Variants in BCCIP observed in about 807,000 individuals in gnomAD.
BCCIP encodes the protein BRCA2 and CDKN1A interacting protein.
Under a neutral mutation model 32.8 loss-of-function variants are expected in BCCIP, and 23 were observed. The ratio of observed to expected loss-of-function variants is 0.70; its 90% confidence interval spans 0.51 to 0.99. BCCIP has a LOEUF of 0.99. Ranked by LOEUF, BCCIP falls within the 50% of genes least tolerant of loss-of-function variation. The pLI is 0.00. For missense variants in BCCIP, 378 were observed against 379.8 expected (o/e 1.00, Z 0.04); for synonymous variants, 144 against 137.6 (o/e 1.05, Z -0.33).
In BCCIP at chr10:125,827,600, C is replaced by G; in HGVS notation, c.283C>G (p.Leu95Val). ...TGTGAACACTGCAGAACTAACAGAT[C>G]TCTTAATTCAACAGAACCATATTGG... The part of the protein sequence containing the change: ...APVNTAELTD[L>V]LIQQNHIGSV... The change falls in exon 3 of 7, where the codon CTC (leucine) becomes GTC (valine). Residue 95 changes from leucine (L) to valine (V), a missense_variant. Transcript: ENST00000278100. 6.2e-7 allele frequency: 1 copy of G among 1,613,166 alleles called. No individual in the cohort carries two copies. The highest frequency in any genetic ancestry group is 8.5e-7 in the Non-Finnish European group (1 of 1,179,182).
exon 7 of BCCIP, chr10:125,842,180 G>C (rs1026004910): frequency 4.4e-6 from 2 of 453,794 alleles, no homozygotes; most frequent in African/African-American, 2.1e-5. Flanking sequence ...TGTGCATGCG[G>C]GGGGAACCCA....
chr10:125,840,208 T>C (rs989842901), downstream of BCCIP, among the ~76,000 whole-genome samples: 3 of 152,254 alleles, frequency 2.0e-5, no homozygotes, highest in African/African-American at 4.8e-5. Context: ...CTCTTGTTTC[T>C]GTCTGCATAG....
downstream of BCCIP, chr10:125,839,240 G>C (rs1854798926): frequency 6.3e-7 from 1 of 1,579,744 alleles, no homozygotes; most frequent in African/African-American, 1.3e-5. Context: ...CAGAAGCTCT[G>C]AAGAGCCCAG....
intron 3 of BCCIP, among the ~76,000 whole-genome samples, chr10:125,830,235 GTATTA>G (rs778920883): frequency 1.1e-4 from 16 of 152,204 alleles, no homozygotes; most frequent in Non-Finnish European, 2.2e-4. Flanking sequence ...TTCTGGATTT[GTATTA>G]TATTGAGAAT....
chr10:125,842,203 C>G (rs758277231), exon 7 of BCCIP: 13 of 389,038 alleles, frequency 3.3e-5, no homozygotes, highest in Non-Finnish European at 5.8e-5. Context: ...TGGAGCCTGC[C>G]AGCCTCCCTG....
rs369675850 is a variant in BCCIP, at chr10:125,833,822, A to G, written c.650A>G (p.Tyr217Cys). 1.1e-5 allele frequency: 18 copies of G among 1,614,224 alleles called. No individual in the cohort carries two copies. Among genetic ancestry groups the G allele is most frequent in the Non-Finnish European group, 1.4e-5 (17 of 1,180,044 alleles). The change falls in exon 6 of 7, where the codon TAC becomes TGC. Residue 217 changes from tyrosine to cysteine, a missense_variant. By Grantham distance (194) the Tyr-to-Cys change is radical. Transcript: ENST00000278100. ...ACCAATAAGCCATGTGGGAAGTGCT[A>G]CTTTTACCTTCTGATTAGTAAGACA... ...HRTNKPCGKC[Y>C]FYLLISKTFV...
chr10:125,832,723 G>A (rs780566812), intron 5 of BCCIP, among the ~76,000 whole-genome samples: 6 of 151,882 alleles, frequency 4.0e-5, no homozygotes, highest in Non-Finnish European at 7.4e-5. Context: ...GAGGCCAGGA[G>A]TTCCAGGCTG....
chr10:125,841,006 GA>G, downstream of BCCIP: 1 of 1,589,728 alleles, frequency 6.3e-7, no homozygotes, highest in Non-Finnish European at 8.6e-7. Flanking sequence ...GCTTCAAAAT[GA>G]AAAAGGTCAC....
chr10:125,844,781 A>C (rs1004479985), downstream of BCCIP, among the ~76,000 whole-genome samples: 9 of 152,210 alleles, frequency 5.9e-5, no homozygotes, highest in African/African-American at 1.9e-4. Context: ...CTGGCAGTGC[A>C]AAATCAGACT....
At chr10:125,835,062 G>A (rs1255854887) in intron 6 of BCCIP, among the ~76,000 whole-genome samples, 1 of 151,850 alleles carries the variant, frequency 6.6e-6, no homozygotes, top group Admixed American at 6.6e-5. Context: ...AAACCCGGGA[G>A]GCGGAGCTTG....
At chr10:125,838,362 C>A (rs752281412), downstream of BCCIP, 6 of 1,597,806 alleles carry the variant, frequency 3.8e-6, no homozygotes, top group Non-Finnish European at 5.1e-6. Flanking sequence ...TAAGTAGTTA[C>A]CTGATCCATC....
chr10:125,837,206 G>C (rs73381231), downstream of BCCIP, among the ~76,000 whole-genome samples: 732 of 152,238 alleles, frequency 4.8e-3, 8 homozygotes, highest in African/African-American at 0.016. Context: ...GGGAGAGAGG[G>C]GGTATCTTTG....
At chr10:125,837,614 G>A (rs549821931), downstream of BCCIP, among the ~76,000 whole-genome samples, 3 of 152,014 alleles carry the variant, frequency 2.0e-5, no homozygotes, top group Admixed American at 6.6e-5. Context: ...TTGTAGAGAC[G>A]GGGTCTTGCT....
chr10:125,847,294 TTTC>T (rs1478762746), downstream of BCCIP, among the ~76,000 whole-genome samples: 2 of 152,222 alleles, frequency 1.3e-5, no homozygotes, highest in Non-Finnish European at 2.9e-5. Flanking sequence ...TTGTTTTGGA[TTTC>T]TTAAGATACC....
intron 1 of BCCIP, among the ~76,000 whole-genome samples, chr10:125,825,136 T>C (rs538133086): frequency 2.0e-5 from 3 of 152,350 alleles, no homozygotes; most frequent in Non-Finnish European, 4.4e-5. Context: ...ACATGGGAAA[T>C]CTATCACACC....
At position 125,851,920 on chromosome 10, in the gene BCCIP, C is replaced by CAAAA. The variant is rs56380138; in HGVS notation, c.851-1187_851-1184dup. On this transcript the variant is annotated intron_variant, in intron 7 of 7. Transcript: ENST00000368759. ...TGAGCAACAGAGCAAGACCCTGTCT[C>CAAAA]AAAAAAAAAAAAAAAAAAAAAGAAA... Among the ~76,000 whole-genome samples the CAAAA allele has an allele frequency of 4.2e-4, 36 of 86,638 alleles. 1 individual carries two copies. Among genetic ancestry groups the CAAAA allele is most frequent in the Admixed American group, 5.5e-4 (4 of 7,248 alleles). 56.8% of individuals were successfully genotyped at this position (86,638 alleles called of 152,430 possible).
chr10:125,841,078 A>G (rs1310623604), downstream of BCCIP: 2 of 1,484,546 alleles, frequency 1.3e-6, no homozygotes. Flanking sequence ...AGGGGTCACG[A>G]CTGTTAGTGG....
downstream of BCCIP, chr10:125,838,195 A>G (rs1854758701): frequency 1.3e-6 from 2 of 1,571,392 alleles, no homozygotes; most frequent in African/African-American, 1.4e-5. Context: ...TTTCTTCTCC[A>G]TTAAACTTAC....
intron 1 of BCCIP, 100 bp downstream of exon 1, chr10:125,823,822 G>A: frequency 6.7e-7 from 1 of 1,490,126 alleles, no homozygotes; most frequent in Non-Finnish European, 9.0e-7. Context: ...CTGACCCTGA[G>A]GGTCTGTGAG....
Sources: gnomAD v4.1 joint callset for allele counts (sites outside exome capture counted in the v4.1 genomes callset) on GRCh38, gnomAD v4.1.1 for gene constraint, MANE v1.5 for transcripts, NCBI Gene and HGNC (gene_info 2026-07-23, HGNC 2026-07-21) for gene names.